Variants in ECE2 observed in about 807,000 individuals in gnomAD.
ECE2 encodes endothelin converting enzyme 2.
A neutral mutation model predicts 100.6 loss-of-function variants in ECE2; 81 were observed. The ratio of observed to expected loss-of-function variants is 0.81; its 90% CI spans 0.67 to 0.97. The LOEUF (loss-of-function observed/expected upper bound fraction) is 0.97, where lower values mean the gene tolerates loss of function less well. ECE2 is among the 50% of genes least tolerant of loss of function. The pLI, the probability that ECE2 is intolerant of heterozygous loss-of-function variation, is 0.00. For missense variants in ECE2, 911 were observed against 988.1 expected, an observed-to-expected ratio of 0.92 and a Z score of 1.05; for synonymous variants, 391 against 391.5, an observed-to-expected ratio of 1.00 and a Z score of 0.02.
At position 184,280,342 on chromosome 3, in the gene ECE2, T is replaced by C. The variant is rs549427682; in HGVS notation, c.816+1785T>C. 8.5e-5 allele frequency among the ~76,000 whole-genome samples: 13 copies of C among 152,324 alleles called. No homozygotes were observed. In the South Asian group the frequency reaches 2.3e-3, roughly 27 times the overall value. On this transcript the variant is annotated intron_variant, in intron 7 of 18. Coordinates refer to ENST00000404464, the MANE Select transcript of ECE2 (RefSeq NM_001100121.2). ...AGGGGATCATAGCATCAACCTCATA[T>C]GGCATTTGGAGTAGGTTAGGGGTAC...
At chr3:184,287,189 T>C (rs1331594645) in intron 10 of ECE2, among the ~76,000 whole-genome samples, 1 of 149,586 alleles carries the variant, frequency 6.7e-6, no homozygotes, top group Non-Finnish European at 1.5e-5. Context: ...GGCAGGAGAA[T>C]GGCGTGAACC....
At position 184,289,711 on chromosome 3, in the gene ECE2, A is replaced by C. The variant is rs746995815; in HGVS notation, c.1544A>C (p.Tyr515Ser). Residue 515 changes from tyrosine to serine, a missense_variant, in exon 13 of 19, where the codon TAT becomes TCT. Coordinates refer to ENST00000404464, the MANE Select transcript of ECE2 (RefSeq NM_001100121.2). The surrounding 1 kb of genome is among the most constrained non-coding windows in gnomAD (Gnocchi z 4.1). ...GAGCCCAAAGAGCTGGATGATGTTT[A>C]TGACGGGGTGAGTACCTACGCTCAT... ...ILEPKELDDV[Y>S]DGYEISEDSF... 6.2e-7 allele frequency: 1 copy of C among 1,612,386 alleles called. No individual in the cohort carries two copies. Among genetic ancestry groups the C allele is most frequent in the Admixed American group, 1.7e-5 (1 of 59,902 alleles).
At chr3:184,276,633 G>A (rs1266610000) in intron 2 of ECE2, 66 bp downstream of exon 2, 2 of 1,583,110 alleles carry the variant, frequency 1.3e-6, no homozygotes, top group Non-Finnish European at 1.7e-6. Flanking sequence ...GCACACCCAG[G>A]AGCTCTGGGC....
At chr3:184,290,945 G>A in intron 16 of ECE2, 85 bp downstream of exon 16, 2 of 1,597,912 alleles carry the variant, frequency 1.3e-6, no homozygotes, top group African/African-American at 1.3e-5. Context: ...AGCCCCAAGG[G>A]CCCTGAAGTC....
In ECE2 at chr3:184,290,567, A is replaced by AC. The variant is rs1407318080; in HGVS notation, c.1672dup (p.Gln558ProfsTer11). On this transcript the variant is annotated frameshift_variant, in exon 15 of 19. Transcript: ENST00000404464. LOFTEE classifies it high-confidence loss of function. ...CTCTTCCTCCGCCAGGTGGAGCATG[A>AC]CCCCCCAGACAGTGAATGCCTACTA... is the stretch of plus-strand genomic sequence containing the variant. 6.2e-6 allele frequency: 10 copies of AC among 1,613,620 alleles called. No individual in the cohort carries two copies. The highest frequency in any genetic ancestry group is 8.5e-6 in the Non-Finnish European group (10 of 1,179,886).
Position 184,289,154 on chromosome 3 carries a change from CAA to C in ECE2, c.1375-269_1375-268del, listed in dbSNP as rs780697073. On this transcript the variant is annotated intron_variant, in intron 11 of 18. Transcript: ENST00000404464. The surrounding 1 kb of genome is among the most constrained non-coding windows in gnomAD (Gnocchi z 4.1). ...TAGGTAACACAGCCAGACTCTGTCT[CAA>C]AAAAAAAAAAAAATCATTGCACTAT... 3.1e-4 allele frequency among the ~76,000 whole-genome samples: 36 copies of C among 116,206 alleles called. No homozygotes were observed. Among genetic ancestry groups the C allele is most frequent in the African/African-American group, 7.1e-4 (22 of 30,808 alleles). 76.2% of individuals were successfully genotyped at this position (116,206 alleles called of 152,430 possible). A position where few individuals can be genotyped will look rare whatever the true frequency, so the allele number is the denominator to read the frequency against.
chr3:184,278,756 T>A, intron 7 of ECE2, 199 bp downstream of exon 7: 2 of 610,764 alleles, frequency 3.3e-6, no homozygotes, highest in Non-Finnish European at 5.7e-6. Context: ...TCCTTCCTCT[T>A]ATTCTTCTAG....
intron 9 of ECE2, 62 bp from the exon 10 acceptor site, chr3:184,285,416 G>C (rs766861610): frequency 8.5e-6 from 11 of 1,289,376 alleles, no homozygotes; most frequent in Admixed American, 1.7e-5. Flanking sequence ...CCTGGGGGCT[G>C]GTTTGAGGGG....
chr3:184,285,170 GA>G (rs1274766152), intron 9 of ECE2, 65 bp downstream of exon 9: 72 of 1,569,290 alleles, frequency 4.6e-5, no homozygotes, highest in Non-Finnish European at 6.0e-5. Context: ...GGGCATAATG[GA>G]CAGGCCCAGC....
rs1721293691 is a variant in ECE2, at chr3:184,291,139, A to G, written c.1934A>G (p.Asn645Ser). The change falls in exon 17 of 19, where the codon AAT becomes AGT. Residue 645 changes from asparagine (N) to serine (S), a missense_variant. Transcript: ENST00000404464. This position sits in a 1 kb window ranked among gnomAD's most constrained non-coding sequence, Gnocchi z 4.1. ...ACGGCCTGCATGGAGGAACAGTACA[A>G]TCAATACCAGGTCAATGGGGAGAGG... ...NHTACMEEQY[N>S]QYQVNGERLN... 1 of 1,613,676 alleles carries G rather than the reference A, an allele frequency of 6.2e-7. No homozygotes were observed. Among genetic ancestry groups the G allele is most frequent in the African/African-American group, 1.3e-5 (1 of 75,046 alleles).
At position 184,291,229 on chromosome 3, in the gene ECE2, A is replaced by G. The variant is rs1011828423; in HGVS notation, c.2024A>G (p.Asn675Ser). 5.6e-6 allele frequency: 9 copies of G among 1,610,772 alleles called. No individual in the cohort carries two copies. Among genetic ancestry groups the G allele is most frequent in the African/African-American group, 4.0e-5 (3 of 74,878 alleles). ...ADNGGLKAAYNAYKAWLRKHG... is the reference protein window; with the variant it reads ...ADNGGLKAAYSAYKAWLRKHG... Reference sequence around the variant, plus strand: ...AACGGGGGGCTGAAGGCTGCCTACAATGTGAGTGGCCTGACCAGCCCTCCA... The same window carrying G: ...AACGGGGGGCTGAAGGCTGCCTACAGTGTGAGTGGCCTGACCAGCCCTCCA... Residue 675 changes from asparagine to serine, a missense_variant and splice_region_variant, in exon 17 of 19, where the codon AAT (asparagine) becomes AGT (serine). Physicochemically the swap from Asn to Ser is conservative, Grantham distance 46. Coordinates refer to ENST00000404464, the MANE Select transcript of ECE2 (RefSeq NM_001100121.2). This position sits in a 1 kb window ranked among gnomAD's most constrained non-coding sequence, Gnocchi z 4.1.
rs138050343 is a variant in ECE2, at chr3:184,291,045, G to A, written c.1840G>A (p.Glu614Lys). The change falls in exon 17 of 19, where the codon GAG (glutamate) becomes AAG (lysine). Residue 614 changes from glutamate to lysine, a missense_variant. Coordinates refer to ENST00000404464, the MANE Select transcript of ECE2 (RefSeq NM_001100121.2). The surrounding 1 kb of genome is among the most constrained non-coding windows in gnomAD (Gnocchi z 4.1). ...LTHAFDDQGR[E>K]YDKEGNLRPW... ...CAAAGGTGAGTTCTCCTCAGGGCGCGAGTATGACAAAGAAGGGAACCTGCG... is the reference window on the plus strand; with the variant it reads ...CAAAGGTGAGTTCTCCTCAGGGCGCAAGTATGACAAAGAAGGGAACCTGCG... The A allele has an allele frequency of 5.4e-5, 84 of 1,568,158 alleles. No homozygotes were observed. In the Admixed American group the frequency reaches 5.5e-4, roughly 10 times the overall value.
In ECE2 at chr3:184,285,027, G is replaced by A. The variant is rs1165281369; in HGVS notation, c.1070G>A (p.Ser357Asn). 3 of 1,614,182 alleles carry A rather than the reference G, an allele frequency of 1.9e-6. No homozygotes were observed. Among genetic ancestry groups the A allele is most frequent in the Admixed American group, 3.3e-5 (2 of 60,024 alleles). ...TTCTTGCTGTCACCATTGGAGTTGA[G>A]TGACTCTGAGCCTGTGGTGGTGTAT... Reference protein sequence around the residue: ...LSFLLSPLELSDSEPVVVYGM... With the variant: ...LSFLLSPLELNDSEPVVVYGM... Residue 357 changes from serine (S) to asparagine (N), a missense_variant, in exon 9 of 19, where the codon AGT becomes AAT. Ser to Asn is a conservative substitution (Grantham distance 46, BLOSUM62 1). Transcript: ENST00000404464.
In ECE2 at chr3:184,291,358, G is replaced by T; in HGVS notation, c.2040G>T (p.Trp680Cys). Residue 680 changes from tryptophan (W) to cysteine (C), a missense_variant, in exon 18 of 19, where the codon TGG becomes TGT. Trp to Cys is a radical substitution (Grantham distance 215, BLOSUM62 -2). Transcript: ENST00000404464. This position sits in a 1 kb window ranked among gnomAD's most constrained non-coding sequence, Gnocchi z 4.1. ...LKAAYNAYKAWLRKHGEEQQL... is the reference protein window; with the variant it reads ...LKAAYNAYKACLRKHGEEQQL... ...TCTGTCCCCAGGCTTACAAAGCATGGCTGAGAAAGCATGGGGAGGAGCAGC... is the reference window on the plus strand; with the variant it reads ...TCTGTCCCCAGGCTTACAAAGCATGTCTGAGAAAGCATGGGGAGGAGCAGC... 6.2e-7 allele frequency: 1 copy of T among 1,608,116 alleles called. No individual in the cohort carries two copies.
chr3:184,284,129 A>G (rs1367394643), intron 8 of ECE2, among the ~76,000 whole-genome samples, 156 bp downstream of exon 8: 3 of 152,074 alleles, frequency 2.0e-5, no homozygotes, highest in African/African-American at 7.2e-5. Flanking sequence ...TCCTGGGGAA[A>G]AAAATGGTGT....
At position 184,278,161 on chromosome 3, in the gene ECE2, A is replaced by T; in HGVS notation, c.604-6A>T. On this transcript the variant is annotated splice_polypyrimidine_tract_variant and splice_region_variant and intron_variant, in intron 5 of 18. Transcript: ENST00000404464. ...ACTAATCATTCCACTTATGGTCTCT[A>T]CATAGATTGGTGGTTGGAACATTAC... The T allele has an allele frequency of 6.2e-7, 1 of 1,614,084 alleles. No individual in the cohort carries two copies. The highest frequency in any genetic ancestry group is 8.5e-7 in the Non-Finnish European group (1 of 1,179,996).
At chr3:184,285,837 G>A (rs1721015922) in intron 10 of ECE2, among the ~76,000 whole-genome samples, 1 of 152,180 alleles carries the variant, frequency 6.6e-6, no homozygotes. Context: ...TAACTTGGAG[G>A]GTTGTCAGGA....
rs1398899934 is a variant in ECE2 at position 184,278,310 on chromosome 3, C to T, written c.747C>T (p.Ile249=). The T allele has an allele frequency of 1.2e-6, 2 of 1,613,826 alleles. No homozygotes were observed. The highest frequency in any genetic ancestry group is 2.2e-5 in the East Asian group (1 of 44,876). The change falls in exon 6 of 19, where the codon ATC becomes ATT. Residue 249 remains isoleucine, a synonymous_variant. Transcript: ENST00000404464. ...ADSKSSNSNV[I]QVDQSGLFLP... The stretch of plus-strand genomic sequence containing the variant: ...CTAAGAGTTCCAACAGCAATGTTAT[C>T]CAGGTGATGAGCTGGGAAAGGGTGG...
Position 184,291,998 on chromosome 3 carries a change from G to A in ECE2, c.2122-64G>A. 2 of 1,540,834 alleles carry A rather than the reference G, an allele frequency of 1.3e-6. No homozygotes were observed. The highest frequency in any genetic ancestry group is 2.5e-5 in the South Asian group (2 of 81,480). ...GGTTTGTGCCCCTGGGATGGCTGTA[G>A]CTGACTCTAAGGCCCGGCTCCACAC... is the stretch of plus-strand genomic sequence containing the variant. On this transcript the variant is annotated intron_variant, in intron 18 of 18. Coordinates refer to ENST00000404464, the MANE Select transcript of ECE2 (RefSeq NM_001100121.2). This position sits in a 1 kb window ranked among gnomAD's most constrained non-coding sequence, Gnocchi z 4.1.
Sources: allele counts gnomAD v4.1 joint callset (sites outside exome capture counted in the v4.1 genomes callset), GRCh38; gene constraint gnomAD v4.1.1; non-coding constraint Gnocchi (gnomAD v3.1); transcripts MANE v1.5; gene names NCBI Gene and HGNC (gene_info 2026-07-23, HGNC 2026-07-21).